Variants in LRRC37A2 observed in about 807,000 individuals in gnomAD.
LRRC37A2 encodes the protein leucine rich repeat containing 37 member A2, also known as leucine-rich repeat-containing protein 37A2.
In LRRC37A2, 9 loss-of-function variants were observed where a neutral mutation model predicts 68.8. That is an observed-to-expected ratio of 0.13 (90% CI 0.08 to 0.23). LRRC37A2 has a LOEUF of 0.23. Ranked by LOEUF, LRRC37A2 falls within the 10% of genes least tolerant of loss-of-function variation. LRRC37A2 has a pLI of 1.00. For synonymous variants in LRRC37A2, 63 were observed against 367.6 expected (o/e 0.17, Z 9.48); for missense variants, 168 against 950.4 (o/e 0.18, Z 10.82).
chr17:46,893,225 C>T, the LRRC37A2 span, among the ~76,000 whole-genome samples: 4 of 152,286 alleles, frequency 2.6e-5, no homozygotes, highest in Admixed American at 2.0e-4. Flanking sequence ...TGAGCCACCG[C>T]GCTTGGCTAC....
At chr17:46,801,610 ACT>A in the LRRC37A2 span, among the ~76,000 whole-genome samples, 1 of 152,174 alleles carries the variant, frequency 6.6e-6, no homozygotes, top group African/African-American at 2.4e-5. Context: ...ACAGAGCGAG[ACT>A]CTATCTTGAA....
the LRRC37A2 span, among the ~76,000 whole-genome samples, chr17:46,904,964 C>T: frequency 6.6e-6 from 1 of 152,166 alleles, no homozygotes; most frequent in Non-Finnish European, 1.5e-5. Context: ...CCACCCCCAC[C>T]GTAAAGAAAC....
At chr17:46,966,234 T>A in the LRRC37A2 span, among the ~76,000 whole-genome samples, 10 of 152,210 alleles carry the variant, frequency 6.6e-5, no homozygotes. Context: ...AAGGCATGGC[T>A]TCATTTAAAA....
chr17:46,897,574 C>T, the LRRC37A2 span, among the ~76,000 whole-genome samples: 1 of 152,160 alleles, frequency 6.6e-6, no homozygotes. Flanking sequence ...TGAGAAGCTT[C>T]CTGGGGTGAT....
the LRRC37A2 span, among the ~76,000 whole-genome samples, chr17:46,761,888 G>A: frequency 6.6e-6 from 1 of 152,138 alleles, no homozygotes; most frequent in Non-Finnish European, 1.5e-5. Context: ...ATCTGAGAGG[G>A]TGCCCATCCC....
chr17:46,933,616 A>G, the LRRC37A2 span: 1 of 132,480 alleles, frequency 7.5e-6, no homozygotes, highest in Non-Finnish European at 1.6e-5. Context: ...AGCAGCAAAG[A>G]AACAGTGGCA....
the LRRC37A2 span, chr17:46,929,368 G>A: frequency 1.5e-5 from 10 of 683,938 alleles, no homozygotes; most frequent in East Asian, 8.2e-5. Flanking sequence ...ATGCCAAAAC[G>A]TGGGACCTAA....
chr17:46,745,827 G>A, the LRRC37A2 span, among the ~76,000 whole-genome samples: 1 of 152,124 alleles, frequency 6.6e-6, no homozygotes, highest in Non-Finnish European at 1.5e-5. Flanking sequence ...AAATATAACA[G>A]CACCACTTTT....
At chr17:46,980,820 G>C in the LRRC37A2 span, among the ~76,000 whole-genome samples, 2 of 151,678 alleles carry the variant, frequency 1.3e-5, no homozygotes, top group Non-Finnish European at 2.9e-5. Context: ...GTGACAGAGC[G>C]AGACTCCGTC....
At chr17:46,550,161 A>G (rs2056621473) in intron 10 of LRRC37A2, among the ~76,000 whole-genome samples, 1 of 27,618 alleles carries the variant, frequency 3.6e-5, no homozygotes, top group Admixed American at 3.3e-4. Flanking sequence ...ACAAAAAATA[A>G]GAAAATTAGC....
the LRRC37A2 span, among the ~76,000 whole-genome samples, chr17:46,736,604 T>G: frequency 6.6e-6 from 1 of 152,224 alleles, no homozygotes; most frequent in Non-Finnish European, 1.5e-5. Flanking sequence ...CATATGTTAC[T>G]TTGATAATCA....
chr17:46,900,220 C>CACATAT, the LRRC37A2 span, among the ~76,000 whole-genome samples: 2 of 122,194 alleles, frequency 1.6e-5, no homozygotes, highest in African/African-American at 7.6e-5. Context: ...CACACACACA[C>CACATAT]ATATATATAT....
At chr17:46,474,335 C>A in the LRRC37A2 span, among the ~76,000 whole-genome samples, 1 of 87,206 alleles carries the variant, frequency 1.1e-5, no homozygotes, top group Non-Finnish European at 2.5e-5. Context: ...CAGGCAGGAG[C>A]CACCGCACCC....
the LRRC37A2 span, among the ~76,000 whole-genome samples, chr17:46,709,383 C>T: frequency 3.3e-5 from 5 of 151,704 alleles, no homozygotes; most frequent in Admixed American, 6.6e-5. Flanking sequence ...AAGATATACA[C>T]GTTATATATC....
At chr17:46,545,813 C>T (rs1003656478) in intron 8 of LRRC37A2, among the ~76,000 whole-genome samples, 10 of 149,382 alleles carry the variant, frequency 6.7e-5, no homozygotes, top group South Asian at 6.3e-4. Context: ...TTTTTAACTC[C>T]GCAATCCAGG....
chr17:46,977,971 C>T, the LRRC37A2 span, among the ~76,000 whole-genome samples: 1 of 152,248 alleles, frequency 6.6e-6, no homozygotes, highest in Non-Finnish European at 1.5e-5. Flanking sequence ...CGTTAGAAAA[C>T]GATTCCCTTT....
the LRRC37A2 span, among the ~76,000 whole-genome samples, chr17:46,409,321 G>A: frequency 7.0e-6 from 1 of 141,886 alleles, no homozygotes; most frequent in African/African-American, 2.6e-5. Context: ...TTTTAAGACA[G>A]GGTCTCGTTC....
chr17:46,778,808 G>A, the LRRC37A2 span, among the ~76,000 whole-genome samples: 4 of 151,980 alleles, frequency 2.6e-5, no homozygotes, highest in South Asian at 4.2e-4. Context: ...CCGGCCCCCG[G>A]CAACCATTCT....
At chr17:47,002,390 T>TG in the LRRC37A2 span, among the ~76,000 whole-genome samples, 1 of 146,536 alleles carries the variant, frequency 6.8e-6, no homozygotes, top group East Asian at 2.0e-4. Flanking sequence ...TTATTTTTAT[T>TG]TTTTTTTTTT....
Sources: gnomAD v4.1 joint callset for allele counts (sites outside exome capture counted in the v4.1 genomes callset) on GRCh38, gnomAD v4.1.1 for gene constraint, MANE v1.5 for transcripts, NCBI Gene and HGNC (gene_info 2026-07-23, HGNC 2026-07-21) for gene names.